The following PLA2R1 variants were observed in gnomAD, a reference collection of about 807,000 sequenced individuals.
PLA2R1 encodes the protein secretory phospholipase A2 receptor.
Under a neutral mutation model 195.9 loss-of-function variants are expected in PLA2R1, and 158 were observed. The observed-to-expected ratio is 0.81, with a 90% CI of 0.71 to 0.92. The LOEUF (loss-of-function observed/expected upper bound fraction) is 0.92. Ranked by LOEUF, PLA2R1 falls within the 40% of genes least tolerant of loss-of-function variation. PLA2R1 has a pLI of 0.00. For missense variants in PLA2R1, 1,626 were observed against 1,764.6 expected (o/e 0.92, Z 1.41); for synonymous variants, 586 against 598.2 (o/e 0.98, Z 0.30).
At chr2:159,926,805 C>T in the PLA2R1 span, among the ~76,000 whole-genome samples, 1 of 152,174 alleles carries the variant, frequency 6.6e-6, no homozygotes, top group Non-Finnish European at 1.5e-5. Flanking sequence ...AGGGAGCCTT[C>T]ACCACCCCAG....
At chr2:160,008,274 C>G (rs1692132831) in intron 10 of PLA2R1, among the ~76,000 whole-genome samples, 2 of 152,174 alleles carry the variant, frequency 1.3e-5, no homozygotes, top group Admixed American at 1.3e-4. Flanking sequence ...CCACTGTACT[C>G]CAGCCTGGGT....
intron 20 of PLA2R1, among the ~76,000 whole-genome samples, chr2:159,960,344 TA>T (rs1208536401): frequency 6.6e-6 from 1 of 152,198 alleles, no homozygotes; most frequent in African/African-American, 2.4e-5. Flanking sequence ...ATCGATTTAC[TA>T]ATGTTTGTTC....
Position 159,987,615 on chromosome 2 carries a change from T to C in PLA2R1, c.1835-257A>G, listed in dbSNP as rs567262466. 2.0e-5 allele frequency among the ~76,000 whole-genome samples: 3 copies of C among 152,282 alleles called. No individual in the cohort carries two copies. The South Asian group carries it at 6.2e-4, about 32-fold the overall frequency. On this transcript the variant is annotated intron_variant, in intron 11 of 29. Coordinates refer to ENST00000283243, the MANE Select transcript of PLA2R1 (RefSeq NM_007366.5). Reference sequence around the variant, plus strand: ...GGACCTTGTCTGCTTTGTGCTCAGATGGCAAATGATGAGGAACTAGGAGCT... The same window carrying C: ...GGACCTTGTCTGCTTTGTGCTCAGACGGCAAATGATGAGGAACTAGGAGCT...
At position 159,945,851 on chromosome 2, in the gene PLA2R1, T is replaced by C. The variant is rs558782167; in HGVS notation, c.3968-769A>G. The C allele has an allele frequency of 1.1e-4, 101 of 914,986 alleles. No individual in the cohort carries two copies. The South Asian group carries it at 4.2e-3, about 38-fold the overall frequency. 56.7% of individuals were successfully genotyped at this position (914,986 alleles called of 1,614,324 possible). A position where few individuals can be genotyped will look rare whatever the true frequency, so the allele number is the denominator to read the frequency against. On this transcript the variant is annotated intron_variant, in intron 27 of 29. Transcript: ENST00000283243. ...CTTTATTTTAGGTACAGTGTTCTTA[T>C]TTAGGTCATTTAGGTTATCATGTTT... is the stretch of plus-strand genomic sequence containing the variant.
chr2:160,022,090 G>A (rs1693167728), intron 7 of PLA2R1, among the ~76,000 whole-genome samples: 1 of 152,098 alleles, frequency 6.6e-6, no homozygotes, highest in African/African-American at 2.4e-5. Flanking sequence ...TTAAAAAACT[G>A]AAAAATGAAA....
intron 17 of PLA2R1, among the ~76,000 whole-genome samples, chr2:159,972,028 C>A (rs1445208560): frequency 6.6e-6 from 1 of 152,094 alleles, no homozygotes; most frequent in Non-Finnish European, 1.5e-5. Flanking sequence ...GGGGGAACCA[C>A]AACAATTTCA....
rs56240008 is a variant in PLA2R1 at position 159,935,945 on chromosome 2, ATTTTTTTTTTTTTT to A, written c.*5819_*5832del. 1 of 107,230 alleles carries A rather than the reference ATTTTTTTTTTTTTT, an allele frequency of 9.3e-6. No individual in the cohort carries two copies. The highest frequency in any genetic ancestry group is 1.9e-5 in the Non-Finnish European group (1 of 53,576). 6.6% of individuals were successfully genotyped at this position (107,230 alleles called of 1,614,324 possible). A position where few individuals can be genotyped will look rare whatever the true frequency, so the allele number is the denominator to read the frequency against. ...GCAGTAAAAATATGTATATAAATTA[ATTTTTTTTTTTTTT>A]TTTTTTTTTTGAGAGAGAGTCTCGC... is the stretch of plus-strand genomic sequence containing the variant. On this transcript the variant is annotated 3_prime_UTR_variant, in exon 30 of 30. Coordinates refer to ENST00000283243, the MANE Select transcript of PLA2R1 (RefSeq NM_007366.5).
At chr2:160,041,878 C>A in intron 3 of PLA2R1, 147 bp downstream of exon 3, 1 of 628,618 alleles carries the variant, frequency 1.6e-6, no homozygotes, top group South Asian at 2.3e-5. Context: ...CAAAAACAAA[C>A]CCCAAATCAA....
chr2:160,021,376 T>C (rs1018961239), intron 7 of PLA2R1, among the ~76,000 whole-genome samples: 2 of 152,188 alleles, frequency 1.3e-5, no homozygotes, highest in Admixed American at 6.5e-5. Context: ...ATCATGTAAG[T>C]ATCCATCAGA....
chr2:159,993,340 A>G (rs1440689473), intron 11 of PLA2R1, among the ~76,000 whole-genome samples: 1 of 151,952 alleles, frequency 6.6e-6, no homozygotes, highest in Admixed American at 6.6e-5. Flanking sequence ...GTGTTTTGAG[A>G]ATGGGAAATT....
Position 160,005,677 on chromosome 2 carries a change from G to A in PLA2R1, c.1809C>T (p.Tyr603=), listed in dbSNP as rs762610792. 1 of 1,614,080 alleles carries A rather than the reference G, an allele frequency of 6.2e-7. No homozygotes were observed. The highest frequency in any genetic ancestry group is 1.1e-5 in the South Asian group (1 of 91,078). The change falls in exon 11 of 30, where the codon TAC becomes TAT. Residue 603 remains tyrosine, a synonymous_variant. Transcript: ENST00000283243. ...GCGGCTGGTGTGTGTTCCAGTGTGT[G>A]TACTGCACCGGCTCGGGTTTCTGCC... is the stretch of plus-strand genomic sequence containing the variant. ...PVGQKPEPVQ[Y]THWNTHQPRY...
At chr2:160,022,892 C>A in intron 6 of PLA2R1, 33 bp from the exon 7 acceptor site, 1 of 1,436,350 alleles carries the variant, frequency 7.0e-7, no homozygotes, top group Non-Finnish European at 9.6e-7. Context: ...ATGTCATTTT[C>A]CACAATTATT....
intron 1 of PLA2R1, among the ~76,000 whole-genome samples, chr2:160,060,276 G>A (rs2105726950): frequency 6.6e-6 from 1 of 152,336 alleles, no homozygotes. Flanking sequence ...GTAAACTGAG[G>A]CACCCCAAAG....
At chr2:159,962,879 G>C (rs775314112) in intron 20 of PLA2R1, among the ~76,000 whole-genome samples, 16 of 152,138 alleles carry the variant, frequency 1.1e-4, no homozygotes, top group Non-Finnish European at 2.1e-4. Context: ...ACCAGGGCCT[G>C]TTGGGGACTG....
intron 23 of PLA2R1, among the ~76,000 whole-genome samples, chr2:159,953,703 C>A (rs953013927): frequency 6.6e-6 from 1 of 152,224 alleles, no homozygotes. Flanking sequence ...AAAATCTACA[C>A]TGTTAGTCCC....
intron 11 of PLA2R1, among the ~76,000 whole-genome samples, chr2:159,989,563 T>C (rs1690616312): frequency 6.6e-6 from 1 of 152,208 alleles, no homozygotes; most frequent in Admixed American, 6.5e-5. Context: ...AAATCTTTAG[T>C]AACTGGAAAC....
chr2:159,944,923 A>G lies in PLA2R1; in HGVS notation c.4127T>C (p.Ile1376Thr), dbSNP rs761456799. 1.2e-6 allele frequency: 2 copies of G among 1,612,898 alleles called. No individual in the cohort carries two copies. The highest frequency in any genetic ancestry group is 1.1e-5 in the South Asian group (1 of 91,004). The change falls in exon 28 of 30, where the codon ATA (isoleucine) becomes ACA (threonine). Residue 1376 changes from isoleucine (I) to threonine (T), a missense_variant. Transcript: ENST00000283243. ...LSPCQEKKGF[I>T]CKMEADIHTA... ...TTACCTACCTGCCTCCATTTTACATATAAAGCCTTTTTTTTCTTGACACGG... is the reference window on the plus strand; with the variant it reads ...TTACCTACCTGCCTCCATTTTACATGTAAAGCCTTTTTTTTCTTGACACGG...
intron 14 of PLA2R1, 47 bp downstream of exon 14, chr2:159,979,783 C>T: frequency 9.0e-7 from 1 of 1,116,718 alleles, no homozygotes; most frequent in Non-Finnish European, 1.4e-6. Context: ...GGTCCCAGGC[C>T]CACTTGTTTT....
intron 9 of PLA2R1, among the ~76,000 whole-genome samples, chr2:160,013,578 T>C (rs1429203741): frequency 6.6e-6 from 1 of 152,142 alleles, no homozygotes; most frequent in African/African-American, 2.4e-5. Context: ...ATTTAATTTA[T>C]TATCTTAAAA....
Sources: gnomAD v4.1 joint callset for allele counts (sites outside exome capture counted in the v4.1 genomes callset) on GRCh38, gnomAD v4.1.1 for gene constraint, MANE v1.5 for transcripts, NCBI Gene and HGNC (gene_info 2026-07-23, HGNC 2026-07-21) for gene names.